Variants in CSMD1 observed in about 807,000 individuals in gnomAD.
CSMD1 encodes CUB and Sushi multiple domains 1.
A neutral mutation model predicts 417.5 loss-of-function variants in CSMD1; 213 were observed. The observed-to-expected ratio is 0.51, with a 90% CI of 0.46 to 0.57. The LOEUF is 0.57. CSMD1 is among the 20% of genes least tolerant of loss of function. The pLI, the probability that CSMD1 is intolerant of heterozygous loss-of-function variation, is 0.00. For missense variants in CSMD1, 6,923 were observed against 4,529.7 expected, an observed-to-expected ratio of 1.53 and a Z score of -15.17; for synonymous variants, 2,862 against 1,736.8, an observed-to-expected ratio of 1.65 and a Z score of -16.11.
chr8:3,956,797 T>C (rs368961614), intron 5 of CSMD1, among the ~76,000 whole-genome samples: 2 of 152,060 alleles, frequency 1.3e-5, no homozygotes, highest in Admixed American at 6.6e-5. Flanking sequence ...ATTTAGGAGC[T>C]TGAAGGACAC....
At chr8:3,070,111 G>C (rs1358072746) in intron 49 of CSMD1, among the ~76,000 whole-genome samples, 1 of 152,200 alleles carries the variant, frequency 6.6e-6, no homozygotes, top group Non-Finnish European at 1.5e-5. Context: ...AGGGCCCTGG[G>C]CCTGGCCCAC....
intron 2 of CSMD1, among the ~76,000 whole-genome samples, chr8:4,453,489 G>C (rs1023767630): frequency 1.3e-5 from 2 of 152,302 alleles, no homozygotes; most frequent in African/African-American, 4.8e-5. Flanking sequence ...TGAATTCAAA[G>C]CCATGCATCC....
intron 10 of CSMD1, among the ~76,000 whole-genome samples, chr8:3,552,725 G>T (rs13328375): frequency 6.6e-6 from 1 of 152,058 alleles, no homozygotes; most frequent in African/African-American, 2.4e-5. Flanking sequence ...AATTATCTAC[G>T]TAAAGTATGC....
chr8:3,337,702 G>A (rs1807360912), intron 23 of CSMD1, among the ~76,000 whole-genome samples: 1 of 152,122 alleles, frequency 6.6e-6, no homozygotes, highest in African/African-American at 2.4e-5. Flanking sequence ...GAGATCAAGT[G>A]CTCCCTAGGA....
At chr8:3,767,871 T>G (rs535742078) in intron 5 of CSMD1, among the ~76,000 whole-genome samples, 96 of 152,292 alleles carry the variant, frequency 6.3e-4, no homozygotes, top group Non-Finnish European at 8.2e-4. Flanking sequence ...TACGTCTATT[T>G]ATTTATATAT....
At chr8:4,324,435 C>A (rs1376427723) in intron 3 of CSMD1, among the ~76,000 whole-genome samples, 2 of 152,176 alleles carry the variant, frequency 1.3e-5, no homozygotes, top group African/African-American at 4.8e-5. Context: ...AGAAGCCTAG[C>A]CTTTGTCAGT....
intron 19 of CSMD1, among the ~76,000 whole-genome samples, chr8:3,368,399 C>T (rs1486580913): frequency 6.6e-6 from 1 of 152,142 alleles, no homozygotes; most frequent in African/African-American, 2.4e-5. Context: ...TACAGTGGCG[C>T]AATCTCAGCT....
At chr8:4,782,277 G>C (rs967743986) in intron 1 of CSMD1, among the ~76,000 whole-genome samples, 4 of 152,108 alleles carry the variant, frequency 2.6e-5, no homozygotes, top group Admixed American at 2.6e-4. Flanking sequence ...AAAAGTAAAA[G>C]ATAAACCTTT....
chr8:4,659,040 T>G (rs1357927546), intron 1 of CSMD1, among the ~76,000 whole-genome samples: 1 of 152,000 alleles, frequency 6.6e-6, no homozygotes, highest in African/African-American at 2.4e-5. Flanking sequence ...AATGGTACAC[T>G]ACAAAAATAC....
intron 5 of CSMD1, among the ~76,000 whole-genome samples, chr8:3,784,333 T>C (rs1799332159): frequency 6.6e-6 from 1 of 152,206 alleles, no homozygotes; most frequent in South Asian, 2.1e-4. Flanking sequence ...ACTTCTAAAA[T>C]TAAAAGTTGT....
chr8:4,823,977 C>A (rs181215510), intron 1 of CSMD1, among the ~76,000 whole-genome samples: 2 of 151,772 alleles, frequency 1.3e-5, no homozygotes, highest in Non-Finnish European at 2.9e-5. Context: ...TACACACCCA[C>A]GCATGGACAC....
intron 1 of CSMD1, among the ~76,000 whole-genome samples, chr8:4,923,609 C>A (rs560584181): frequency 6.6e-6 from 1 of 151,922 alleles, no homozygotes; most frequent in Non-Finnish European, 1.5e-5. Flanking sequence ...TGAGTTTAAA[C>A]ATACACACTA....
In CSMD1 at chr8:3,753,988, T is replaced by G; in HGVS notation, c.873A>C (p.Arg291=). 1 of 1,612,018 alleles carries G rather than the reference T, an allele frequency of 6.2e-7. No homozygotes were observed. The highest frequency in any genetic ancestry group is 8.5e-7 in the Non-Finnish European group (1 of 1,179,276). ...GGTTGCTGTCAGAGGTGAAATGGAG[T>G]CGTAGCCAATTCTTGCTACTGATAA... ...SPVISSKNWL[R]LHFTSDSNHR... Residue 291 remains arginine (R), a synonymous_variant, in exon 6 of 70, where the codon CGA becomes CGC. Transcript: ENST00000635120.
intron 3 of CSMD1, among the ~76,000 whole-genome samples, chr8:4,189,433 C>T (rs940098695): frequency 1.3e-5 from 2 of 152,026 alleles, no homozygotes; most frequent in African/African-American, 4.8e-5. Context: ...AAGAAAAAAA[C>T]AGTAGTCCAG....
intron 37 of CSMD1, among the ~76,000 whole-genome samples, chr8:3,171,153 C>G (rs1377208429): frequency 2.0e-5 from 3 of 152,068 alleles, no homozygotes; most frequent in African/African-American, 7.2e-5. Flanking sequence ...AAACAAGTGC[C>G]CCAATCAGAT....
At chr8:4,139,472 A>G (rs981101397) in intron 3 of CSMD1, among the ~76,000 whole-genome samples, 2 of 144,542 alleles carry the variant, frequency 1.4e-5, no homozygotes, top group African/African-American at 2.9e-5. Context: ...TGGACAGTCC[A>G]GTGAGGAAGG....
intron 8 of CSMD1, among the ~76,000 whole-genome samples, chr8:3,587,782 T>G (rs1449971258): frequency 6.6e-6 from 1 of 152,148 alleles, no homozygotes; most frequent in Non-Finnish European, 1.5e-5. Flanking sequence ...TAGAAAATAA[T>G]GAAGAGAATT....
rs564895664 is a variant in CSMD1 at position 4,673,810 on chromosome 8, T to C, written c.86-36252A>G. ...TTGTATGAAGTGTTCAGAATACATA[T>C]ATCCACAGAGACTAAAAGCAATTGA... On this transcript the variant is annotated intron_variant, in intron 1 of 69. Transcript: ENST00000635120. Among the ~76,000 whole-genome samples, 6 of 152,310 alleles carry C rather than the reference T, an allele frequency of 3.9e-5. No individual in the cohort carries two copies. The East Asian group carries it at 5.8e-4, about 15-fold the overall frequency.
At chr8:4,799,039 C>A (rs1478328643) in intron 1 of CSMD1, among the ~76,000 whole-genome samples, 2 of 152,130 alleles carry the variant, frequency 1.3e-5, no homozygotes, top group Admixed American at 6.5e-5. Context: ...CCAGCAGGAG[C>A]GTGGGCTGGT....
Sources: gnomAD v4.1 joint callset for allele counts (sites outside exome capture counted in the v4.1 genomes callset) on GRCh38, gnomAD v4.1.1 for gene constraint, MANE v1.5 for transcripts, NCBI Gene and HGNC (gene_info 2026-07-23, HGNC 2026-07-21) for gene names.